AGAP1: variants seen among roughly 807,000 people sequenced by gnomAD.
The protein encoded by AGAP1 is arf-GAP with GTPase, ANK repeat and PH domain-containing protein 1.
In AGAP1, 29 loss-of-function variants were observed where a neutral mutation model predicts 105.3. The ratio of observed to expected loss-of-function variants is 0.28; its 90% CI spans 0.21 to 0.38. AGAP1 has a LOEUF of 0.38. AGAP1 is among the 10% of genes least tolerant of loss of function. The pLI is 1.00. For missense variants in AGAP1, 998 were observed against 1,165.1 expected (o/e 0.86, Z 2.09); for synonymous variants, 509 against 485.9 (o/e 1.05, Z -0.63).
intron 6 of AGAP1, among the ~76,000 whole-genome samples, chr2:235,782,746 A>G (rs1956346493): frequency 6.6e-6 from 1 of 152,214 alleles, no homozygotes; most frequent in South Asian, 2.1e-4. Flanking sequence ...ACTGAATAGG[A>G]GTCCCAGTCA....
At chr2:235,812,391 G>GTAT (rs1406726902) in intron 9 of AGAP1, among the ~76,000 whole-genome samples, 1 of 152,226 alleles carries the variant, frequency 6.6e-6, no homozygotes, top group Non-Finnish European at 1.5e-5. Context: ...TCTCAGTTGA[G>GTAT]TAGAAAGAGG....
chr2:236,030,747 G>T (rs911155370), intron 13 of AGAP1, among the ~76,000 whole-genome samples: 3 of 152,206 alleles, frequency 2.0e-5, no homozygotes, highest in Admixed American at 6.5e-5. Flanking sequence ...AGGAACAAGG[G>T]AGAAATGCTT....
intron 1 of AGAP1, among the ~76,000 whole-genome samples, chr2:235,527,047 C>T (rs543809498): frequency 6.6e-6 from 1 of 152,204 alleles, no homozygotes; most frequent in South Asian, 2.1e-4. Context: ...CTGTATCAAG[C>T]AAAAGTGAAA....
intron 11 of AGAP1, among the ~76,000 whole-genome samples, chr2:235,929,462 G>A (rs951084270): frequency 1.3e-5 from 2 of 152,124 alleles, no homozygotes; most frequent in Non-Finnish European, 2.9e-5. Flanking sequence ...ATGACGTTCA[G>A]AATGTACTCA....
Position 235,633,038 on chromosome 2 carries a change from T to A in AGAP1, c.164-76141T>A, listed in dbSNP as rs1333418872. 1.3e-5 allele frequency among the ~76,000 whole-genome samples: 2 copies of A among 152,096 alleles called. No individual in the cohort carries two copies. The highest frequency in any genetic ancestry group is 2.9e-5 in the Non-Finnish European group (2 of 68,014). On this transcript the variant is annotated intron_variant, in intron 1 of 17. Coordinates refer to ENST00000304032, the MANE Select transcript of AGAP1 (RefSeq NM_001037131.3). The surrounding 1 kb of genome is among the most constrained non-coding windows in gnomAD (Gnocchi z 4.8). The stretch of plus-strand genomic sequence containing the variant: ...CAGCCTCTGAACCCCCGACTCTTGG[T>A]GGGCTTTTGAGTTCTGCTTTTGCTT...
chr2:235,776,282 C>T (rs1955854952), intron 6 of AGAP1, among the ~76,000 whole-genome samples: 1 of 152,066 alleles, frequency 6.6e-6, no homozygotes, highest in South Asian at 2.1e-4. Context: ...ACTGGTGTTG[C>T]CTCCTCCCTC....
chr2:235,944,189 G>A (rs2125229683), intron 12 of AGAP1, among the ~76,000 whole-genome samples: 1 of 152,136 alleles, frequency 6.6e-6, no homozygotes, highest in African/African-American at 2.4e-5. Flanking sequence ...CTTATTTACA[G>A]GAAACAATTA....
At chr2:235,657,732 T>A (rs755349834) in intron 1 of AGAP1, among the ~76,000 whole-genome samples, 8 of 152,212 alleles carry the variant, frequency 5.3e-5, no homozygotes, top group Non-Finnish European at 7.3e-5. Context: ...TGGGCTAAAC[T>A]GTGCCTCCCA....
rs370305287 is a variant in AGAP1, at chr2:235,793,312, G to A, written c.674-4447G>A. 5.9e-5 allele frequency among the ~76,000 whole-genome samples: 9 copies of A among 152,304 alleles called. No homozygotes were observed. The highest frequency in any genetic ancestry group is 3.9e-4 in the East Asian group (2 of 5,158). ...CGGGCAGCCTTGGCGAGCACCTCCT[G>A]TGTGCCAGTCACCACACTCAGTCCT... On this transcript the variant is annotated intron_variant, in intron 6 of 17. Coordinates refer to ENST00000304032, the MANE Select transcript of AGAP1 (RefSeq NM_001037131.3). This position sits in a 1 kb window ranked among gnomAD's most constrained non-coding sequence, Gnocchi z 5.3.
At position 235,586,519 on chromosome 2, in the gene AGAP1, T is replaced by C. The variant is rs1470891122; in HGVS notation, c.163+91670T>C. On this transcript the variant is annotated intron_variant, in intron 1 of 17. Transcript: ENST00000304032. The surrounding 1 kb of genome is among the most constrained non-coding windows in gnomAD (Gnocchi z 4.2). ...TGCCACGAGCAAGTATTTTGAGTGC[T>C]CCTTATGTCCATGCAGAGGCTGACT... 2.6e-5 allele frequency among the ~76,000 whole-genome samples: 4 copies of C among 152,312 alleles called. No homozygotes were observed. In the East Asian group the frequency reaches 7.7e-4, roughly 29 times the overall value.
chr2:235,516,762 A>G (rs149713490), intron 1 of AGAP1, among the ~76,000 whole-genome samples: 150 of 152,300 alleles, frequency 9.8e-4, no homozygotes, highest in African/African-American at 3.5e-3. Context: ...AGGCTTCAGA[A>G]TCTTCCCTGT....
chr2:235,728,326 T>TGTGTGTGTGTGTGTGTGC lies in AGAP1; in HGVS notation c.310+10683_310+10684insTGTGTGTGTGTGTGTGCG, dbSNP rs986896995. Among the ~76,000 whole-genome samples, 6 of 151,742 alleles carry TGTGTGTGTGTGTGTGTGC rather than the reference T, an allele frequency of 4.0e-5. No homozygotes were observed. The East Asian group carries it at 7.7e-4, about 20-fold the overall frequency. Reference sequence around the variant, plus strand: ...CTGTGTGTGTGTGTGTGTGTGTGTGTGCGTGCTCTTAAATCAATGTAAATT... The same window carrying TGTGTGTGTGTGTGTGTGC: ...CTGTGTGTGTGTGTGTGTGTGTGTGTGTGTGTGTGTGTGTGTGCGCGTGCTCTTAAATCAATGTAAATT... On this transcript the variant is annotated intron_variant, in intron 3 of 17. Transcript: ENST00000304032. This position sits in a 1 kb window ranked among gnomAD's most constrained non-coding sequence, Gnocchi z 4.3.
chr2:235,817,228 C>T (rs1958509046), intron 9 of AGAP1, among the ~76,000 whole-genome samples: 1 of 152,018 alleles, frequency 6.6e-6, no homozygotes. Context: ...AAGGCCCAGA[C>T]TGTGCACTCT....
In AGAP1 at chr2:235,494,774, A is replaced by G. The variant is rs1941235681; in HGVS notation, c.88A>G (p.Ile30Val). 6 of 1,581,870 alleles carry G rather than the reference A, an allele frequency of 3.8e-6. No homozygotes were observed. The highest frequency in any genetic ancestry group is 5.2e-6 in the Non-Finnish European group (6 of 1,164,310). Reference sequence around the variant, plus strand: ...GTCGGTCCACCCCAACATCTACTCCATCTACGAGCTGCTGGAGCGCGTGGA... The same window carrying G: ...GTCGGTCCACCCCAACATCTACTCCGTCTACGAGCTGCTGGAGCGCGTGGA... ...FESVHPNIYSIYELLERVEEP... is the reference protein window; with the variant it reads ...FESVHPNIYSVYELLERVEEP... The change falls in exon 1 of 18, where the codon ATC becomes GTC. Residue 30 changes from isoleucine (I) to valine (V), a missense_variant. By Grantham distance (29) the Ile-to-Val change is conservative. Transcript: ENST00000304032.
intron 16 of AGAP1, among the ~76,000 whole-genome samples, chr2:236,060,204 T>G (rs947892630): frequency 6.6e-6 from 1 of 152,224 alleles, no homozygotes; most frequent in African/African-American, 2.4e-5. Flanking sequence ...TGACTTTAGA[T>G]TAGGCAGTGG....
chr2:235,897,136 G>C (rs541638703), intron 10 of AGAP1, among the ~76,000 whole-genome samples: 1 of 152,222 alleles, frequency 6.6e-6, no homozygotes, highest in Non-Finnish European at 1.5e-5. Context: ...AGGCTGGAGT[G>C]CTGTGGCGTG....
In AGAP1 at chr2:235,662,367, A is replaced by G. The variant is rs1275435249; in HGVS notation, c.164-46812A>G. 6.6e-6 allele frequency among the ~76,000 whole-genome samples: 1 copy of G among 152,212 alleles called. No individual in the cohort carries two copies. The highest frequency in any genetic ancestry group is 1.5e-5 in the Non-Finnish European group (1 of 68,036). ...GGAAAGTCTTGGTATGTAACCAACC[A>G]GGTCTCACCTTCAGCCACACTCCTA... On this transcript the variant is annotated intron_variant, in intron 1 of 17. Transcript: ENST00000304032. The surrounding 1 kb of genome is among the most constrained non-coding windows in gnomAD (Gnocchi z 4.2).
chr2:235,516,076 G>GCTGCTGCTGCTT (rs1553556333), intron 1 of AGAP1, among the ~76,000 whole-genome samples: 4 of 140,312 alleles, frequency 2.9e-5, no homozygotes, highest in African/African-American at 9.9e-5. Context: ...TGCTGCTGCT[G>GCTGCTGCTGCTT]CTGCTGCTGC....
chr2:235,868,736 G>A (rs1034542343), intron 9 of AGAP1, among the ~76,000 whole-genome samples: 1 of 152,228 alleles, frequency 6.6e-6, no homozygotes, highest in African/African-American at 2.4e-5. Context: ...TGGGGCTGCA[G>A]CAAACACTGA....
Sources: gnomAD v4.1 joint callset for allele counts (sites outside exome capture counted in the v4.1 genomes callset) on GRCh38, gnomAD v4.1.1 for gene constraint, Gnocchi (gnomAD v3.1) non-coding constraint, MANE v1.5 for transcripts, NCBI Gene and HGNC (gene_info 2026-07-23, HGNC 2026-07-21) for gene names.